Variants in PADI4 observed in about 807,000 individuals in gnomAD.
PADI4 encodes the protein peptidyl arginine deiminase 4.
A neutral mutation model predicts 75.0 loss-of-function variants in PADI4; 62 were observed. That is an observed-to-expected ratio of 0.83 (90% CI 0.67 to 1.02). The LOEUF (loss-of-function observed/expected upper bound fraction) is 1.02. Ranked by LOEUF, PADI4 falls within the 50% of genes least tolerant of loss-of-function variation. The pLI is 0.00. For missense variants in PADI4, 845 were observed against 850.5 expected (o/e 0.99, Z 0.08); for synonymous variants, 361 against 348.1 (o/e 1.04, Z -0.41).
At position 17,338,079 on chromosome 1, in the gene PADI4, G is replaced by A; in HGVS notation, c.450G>A (p.Leu150=). The A allele has an allele frequency of 6.2e-7, 1 of 1,613,804 alleles. No homozygotes were observed. Among genetic ancestry groups the A allele is most frequent in the Non-Finnish European group, 8.5e-7 (1 of 1,179,744 alleles). ...GCCCTTGTGGACAGGGTGCCATCCT[G>A]CTGGTGAACTGTGACAGAGACAATC... ...TWGPCGQGAI[L]LVNCDRDNLE... Residue 150 remains leucine, a synonymous_variant, in exon 5 of 16, where the codon CTG becomes CTA. Coordinates refer to ENST00000375448, the MANE Select transcript of PADI4 (RefSeq NM_012387.3).
intron 1 of PADI4, among the ~76,000 whole-genome samples, chr1:17,316,128 T>C (rs2073928992): frequency 1.3e-5 from 2 of 152,028 alleles, no homozygotes; most frequent in African/African-American, 4.8e-5. Context: ...ATGCAGTGGC[T>C]CACGCCTATA....
intron 1 of PADI4, among the ~76,000 whole-genome samples, chr1:17,313,054 G>A (rs1421129650): frequency 1.3e-5 from 2 of 152,078 alleles, no homozygotes; most frequent in African/African-American, 4.8e-5. Flanking sequence ...GCTGAGCATG[G>A]TGGCGTGCGC....
Position 17,336,185 on chromosome 1 carries a change from C to T in PADI4, c.367C>T (p.Arg123Cys), listed in dbSNP as rs375277347. Residue 123 changes from arginine to cysteine, a missense_variant, in exon 4 of 16, where the codon CGC becomes TGC. By Grantham distance (180) the Arg-to-Cys change is radical. Transcript: ENST00000375448. ...VEISLCADIT[R>C]TGKVKPTRAV... The stretch of plus-strand genomic sequence containing the variant: ...AATCTCCTTGTGCGCAGACATCACC[C>T]GCACCGGCAAAGTGAAGCCAACCAG... The T allele has an allele frequency of 4.3e-6, 7 of 1,613,452 alleles. No homozygotes were observed. Among genetic ancestry groups the T allele is most frequent in the African/African-American group, 2.7e-5 (2 of 75,014 alleles).
rs114433339 is a variant in PADI4 at position 17,319,925 on chromosome 1, C to T, written c.93-11044C>T. ...GTTTACTATGTACGAAAAAACCTTTCAGCCGAACTTAAAATACCTAAGGAG... is the reference window on the plus strand; with the variant it reads ...GTTTACTATGTACGAAAAAACCTTTTAGCCGAACTTAAAATACCTAAGGAG... On this transcript the variant is annotated intron_variant, in intron 1 of 15. Coordinates refer to ENST00000375448, the MANE Select transcript of PADI4 (RefSeq NM_012387.3). Among the ~76,000 whole-genome samples, 437 of 152,324 alleles carry T rather than the reference C, an allele frequency of 2.9e-3. 4 individuals carry two copies. The highest frequency in any genetic ancestry group is 4.4e-3 in the Non-Finnish European group (301 of 68,020).
intron 1 of PADI4, among the ~76,000 whole-genome samples, chr1:17,320,279 G>GT (rs1037293019): frequency 4.9e-4 from 74 of 151,960 alleles, no homozygotes; most frequent in African/African-American, 1.7e-3. Flanking sequence ...AAAGACCTTT[G>GT]TATTACTGGA....
At position 17,356,370 on chromosome 1, in the gene PADI4, T is replaced by C. The variant is rs2074760255; in HGVS notation, c.1469T>C (p.Leu490Pro). The C allele has an allele frequency of 1.9e-6, 3 of 1,608,450 alleles. No homozygotes were observed. The highest frequency in any genetic ancestry group is 2.7e-5 in the African/African-American group (2 of 74,878). ...PAPDRKGFRLLLASPRSCYKL... is the reference protein window; with the variant it reads ...PAPDRKGFRLPLASPRSCYKL... ...TTCTGCCTCCAGGGCTTCCGGCTGCTCCTGGCCAGCCCCAGGTCCTGCTAC... is the reference window on the plus strand; with the variant it reads ...TTCTGCCTCCAGGGCTTCCGGCTGCCCCTGGCCAGCCCCAGGTCCTGCTAC... The change falls in exon 13 of 16, where the codon CTC becomes CCC. Residue 490 changes from leucine to proline, a missense_variant. By Grantham distance (98) the Leu-to-Pro change is moderately conservative. Transcript: ENST00000375448. The surrounding 1 kb of genome is among the most constrained non-coding windows in gnomAD (Gnocchi z 4.1).
intron 1 of PADI4, among the ~76,000 whole-genome samples, chr1:17,310,355 C>T (rs2073798114): frequency 1.3e-5 from 2 of 152,110 alleles, no homozygotes; most frequent in Non-Finnish European, 2.9e-5. Context: ...GTCTCCGTTC[C>T]AGACCTTCCT....
chr1:17,336,394 C>T (rs1419530404), intron 4 of PADI4, among the ~76,000 whole-genome samples, 168 bp downstream of exon 4: 1 of 152,220 alleles, frequency 6.6e-6, no homozygotes, highest in East Asian at 1.9e-4. Flanking sequence ...TATTTCCCAT[C>T]TATTTTACAA....
At chr1:17,341,378 C>A (rs1487523393) in intron 6 of PADI4, among the ~76,000 whole-genome samples, 1 of 152,184 alleles carries the variant, frequency 6.6e-6, no homozygotes, top group Admixed American at 6.5e-5. Context: ...GGATTACAGG[C>A]GTAAGCCACC....
At chr1:17,336,918 C>T (rs2074323109) in intron 4 of PADI4, among the ~76,000 whole-genome samples, 1 of 152,224 alleles carries the variant, frequency 6.6e-6, no homozygotes, top group African/African-American at 2.4e-5. Context: ...GGCAAACGCT[C>T]TCCCGCGAAG....
chr1:17,314,830 C>T (rs570132860), intron 1 of PADI4, among the ~76,000 whole-genome samples: 2 of 152,252 alleles, frequency 1.3e-5, no homozygotes, highest in African/African-American at 2.4e-5. Context: ...CTGCTCCAAC[C>T]AGCTGGTGAT....
intron 14 of PADI4, 24 bp from the exon 15 acceptor site, chr1:17,359,256 C>T (rs2074813485): frequency 7.2e-7 from 1 of 1,390,668 alleles, no homozygotes. Flanking sequence ...GTCCCCCACT[C>T]ACTGCCCCTG....
At position 17,311,255 on chromosome 1, in the gene PADI4, T is replaced by C. The variant is rs146879610; in HGVS notation, c.92+2941T>C. Reference sequence around the variant, plus strand: ...TCCAGCAAGGGCAACAGAGTGAGACTCTGTCTCAAAAAAAAAAAAGTTAAA... The same window carrying C: ...TCCAGCAAGGGCAACAGAGTGAGACCCTGTCTCAAAAAAAAAAAAGTTAAA... On this transcript the variant is annotated intron_variant, in intron 1 of 15. Coordinates refer to ENST00000375448, the MANE Select transcript of PADI4 (RefSeq NM_012387.3). Among the ~76,000 whole-genome samples, 383 of 151,598 alleles carry C rather than the reference T, an allele frequency of 2.5e-3. 1 individual carries two copies. Among genetic ancestry groups the C allele is most frequent in the African/African-American group, 8.8e-3 (364 of 41,316 alleles).
intron 3 of PADI4, among the ~76,000 whole-genome samples, chr1:17,335,915 C>T (rs1459111091): frequency 1.3e-5 from 2 of 152,216 alleles, no homozygotes; most frequent in East Asian, 3.8e-4. Context: ...CAGTTGTGGC[C>T]CCGCTGAAGG....
intron 5 of PADI4, among the ~76,000 whole-genome samples, chr1:17,338,468 G>A (rs901231780): frequency 1.3e-5 from 2 of 152,124 alleles, no homozygotes; most frequent in African/African-American, 2.4e-5. Flanking sequence ...GAAATCCTTC[G>A]AAATGAAAGC....
intron 14 of PADI4, 149 bp downstream of exon 14, chr1:17,359,057 G>A: frequency 4.4e-6 from 3 of 688,192 alleles, no homozygotes; most frequent in South Asian, 1.9e-5. Flanking sequence ...AGCAAAGACT[G>A]GGAGAGGCTG....
chr1:17,348,533 G>T (rs1449953442), intron 10 of PADI4, among the ~76,000 whole-genome samples: 1 of 152,192 alleles, frequency 6.6e-6, no homozygotes, highest in East Asian at 1.9e-4. Context: ...GTGGAGGTGG[G>T]AAGTGACGTA....
chr1:17,313,817 G>C lies in PADI4; in HGVS notation c.92+5503G>C, dbSNP rs368665987. Among the ~76,000 whole-genome samples, 13 of 152,300 alleles carry C rather than the reference G, an allele frequency of 8.5e-5. No individual in the cohort carries two copies. In the South Asian group the frequency reaches 2.1e-3, roughly 24 times the overall value. ...GCTGGCTGTATGGAGGGTGTTGGAA[G>C]TTACAAGAAGATTCAGCTCTGGATG... On this transcript the variant is annotated intron_variant, in intron 1 of 15. Coordinates refer to ENST00000375448, the MANE Select transcript of PADI4 (RefSeq NM_012387.3).
In PADI4 at chr1:17,315,468, G is replaced by A. The variant is rs943758059; in HGVS notation, c.92+7154G>A. On this transcript the variant is annotated intron_variant, in intron 1 of 15. Transcript: ENST00000375448. ...AAATCTTTTTGCAACAAGAGCAGGC[G>A]GAGGATAAAAGGGAAAGAGAGAAAA... Among the ~76,000 whole-genome samples the A allele has an allele frequency of 5.9e-5, 9 of 152,214 alleles. 1 individual carries two copies. The South Asian group carries it at 8.3e-4, about 14-fold the overall frequency.
Sources: allele counts gnomAD v4.1 joint callset (sites outside exome capture counted in the v4.1 genomes callset), GRCh38; gene constraint gnomAD v4.1.1; non-coding constraint Gnocchi (gnomAD v3.1); transcripts MANE v1.5; gene names NCBI Gene and HGNC (gene_info 2026-07-23, HGNC 2026-07-21).